Variants in PCLO observed in about 807,000 individuals in gnomAD.
PCLO encodes piccolo presynaptic cytomatrix protein.
Under a neutral mutation model 427.5 loss-of-function variants are expected in PCLO, and 82 were observed. The observed-to-expected ratio is 0.19, with a 90% CI of 0.16 to 0.23. The LOEUF is 0.23. Ranked by LOEUF, PCLO falls within the 10% of genes least tolerant of loss-of-function variation. PCLO has a pLI of 1.00. For synonymous variants in PCLO, 2,357 were observed against 2,155.4 expected, an observed-to-expected ratio of 1.09 and a Z score of -2.59; for missense variants, 6,239 against 6,115.9, an observed-to-expected ratio of 1.02 and a Z score of -0.67.
chr7:82,992,454 T>C (rs1225847203), intron 3 of PCLO, among the ~76,000 whole-genome samples: 1 of 152,096 alleles, frequency 6.6e-6, no homozygotes, highest in Non-Finnish European at 1.5e-5. Context: ...ATCCTATCTA[T>C]CCTGGATTTT....
intron 18 of PCLO, among the ~76,000 whole-genome samples, chr7:82,824,689 T>C (rs1446606429): frequency 6.6e-6 from 1 of 151,290 alleles, no homozygotes; most frequent in Non-Finnish European, 1.5e-5. Flanking sequence ...TGTTAAAAGA[T>C]AGGGTCACAA....
At chr7:82,811,264 G>C (rs1488621959) in intron 20 of PCLO, among the ~76,000 whole-genome samples, 1 of 151,440 alleles carries the variant, frequency 6.6e-6, no homozygotes, top group African/African-American at 2.4e-5. Flanking sequence ...AAGTATTTGG[G>C]AATTTTTACC....
chr7:82,765,922 G>C (rs1174057202), intron 22 of PCLO, among the ~76,000 whole-genome samples: 3 of 151,990 alleles, frequency 2.0e-5, no homozygotes, highest in Admixed American at 6.6e-5. Context: ...ATGTAGGAAA[G>C]TGGTAACCAG....
At chr7:82,945,129 T>C (rs115612842) in intron 6 of PCLO, among the ~76,000 whole-genome samples, 2,344 of 152,240 alleles carry the variant, frequency 0.015, 67 homozygotes, top group African/African-American at 0.053. Context: ...ATTTTTTTTT[T>C]CTGTGGAGTA....
chr7:83,103,398 A>G (rs1790781738), intron 3 of PCLO, among the ~76,000 whole-genome samples: 1 of 151,934 alleles, frequency 6.6e-6, no homozygotes, highest in Non-Finnish European at 1.5e-5. Flanking sequence ...AGCATGATAT[A>G]AAATTTTGAC....
Position 82,956,277 on chromosome 7 carries a change from T to C in PCLO, c.4676A>G (p.Gln1559Arg), listed in dbSNP as rs749509084. Residue 1559 changes from glutamine (Q) to arginine (R), a missense_variant, in exon 5 of 25, where the codon CAA becomes CGA. Gln to Arg is a conservative substitution (Grantham distance 43, BLOSUM62 1). Coordinates refer to ENST00000333891, the MANE Select transcript of PCLO (RefSeq NM_033026.6). Reference protein sequence around the residue: ...SGEEEDFIRKQIIEMSADEDA... With the variant: ...SGEEEDFIRKRIIEMSADEDA... ...TTCATCAGCACTCATTTCTATGATT[T>C]GTTTTCGAATGAAGTCCTCCTCTTC... 2 of 1,612,450 alleles carry C rather than the reference T, an allele frequency of 1.2e-6. No individual in the cohort carries two copies. Among genetic ancestry groups the C allele is most frequent in the South Asian group, 2.2e-5 (2 of 91,082 alleles).
At chr7:83,078,941 A>G (rs929997115) in intron 3 of PCLO, among the ~76,000 whole-genome samples, 11 of 152,178 alleles carry the variant, frequency 7.2e-5, no homozygotes, top group Non-Finnish European at 1.6e-4. Context: ...TATCTTAAAC[A>G]TTGTTAAAAC....
At chr7:82,970,484 T>G (rs2115695822) in intron 3 of PCLO, among the ~76,000 whole-genome samples, 1 of 152,056 alleles carries the variant, frequency 6.6e-6, no homozygotes, top group Non-Finnish European at 1.5e-5. Context: ...GAATTTAGTT[T>G]GAAACATAAG....
At chr7:82,871,202 C>A (rs1017278651) in intron 10 of PCLO, among the ~76,000 whole-genome samples, 2 of 151,892 alleles carry the variant, frequency 1.3e-5, no homozygotes, top group Admixed American at 1.3e-4. Flanking sequence ...GAGATGGAAT[C>A]AAACTGTGTT....
chr7:82,911,525 A>G (rs926136400), intron 7 of PCLO, among the ~76,000 whole-genome samples: 1 of 152,132 alleles, frequency 6.6e-6, no homozygotes, highest in East Asian at 1.9e-4. Flanking sequence ...TACTGTCCGC[A>G]GGCTACAGTT....
chr7:82,902,361 A>G (rs180919453), intron 9 of PCLO, among the ~76,000 whole-genome samples: 20 of 151,734 alleles, frequency 1.3e-4, no homozygotes, highest in African/African-American at 3.6e-4. Flanking sequence ...TCACTCACAG[A>G]TGGGAATTGA....
chr7:83,043,913 T>C (rs1789033807), intron 3 of PCLO, among the ~76,000 whole-genome samples: 1 of 22,770 alleles, frequency 4.4e-5, no homozygotes, highest in Non-Finnish European at 6.7e-5. Context: ...TATTATTTTC[T>C]TTTTTTTTTT....
At chr7:82,934,885 T>C (rs1488888406) in intron 6 of PCLO, among the ~76,000 whole-genome samples, 1 of 151,626 alleles carries the variant, frequency 6.6e-6, no homozygotes, top group African/African-American at 2.4e-5. Flanking sequence ...GATAAATGGC[T>C]AATTGTTATT....
chr7:82,985,035 T>C (rs1796228299), intron 3 of PCLO, among the ~76,000 whole-genome samples: 2 of 152,012 alleles, frequency 1.3e-5, no homozygotes, highest in Admixed American at 6.6e-5. Context: ...TAAACTGGAA[T>C]GTTTTCTTAT....
intron 3 of PCLO, among the ~76,000 whole-genome samples, chr7:83,122,347 G>A (rs904225935): frequency 6.9e-6 from 1 of 144,108 alleles, no homozygotes; most frequent in African/African-American, 2.6e-5. Flanking sequence ...GTGCAGTGGT[G>A]CAATCTCGGT....
intron 3 of PCLO, among the ~76,000 whole-genome samples, chr7:83,060,786 G>T (rs1452132418): frequency 6.6e-6 from 1 of 152,106 alleles, no homozygotes; most frequent in Non-Finnish European, 1.5e-5. Flanking sequence ...TTCCTTGTTA[G>T]CCACAGTTGC....
intron 3 of PCLO, among the ~76,000 whole-genome samples, chr7:82,980,783 T>G (rs1796129558): frequency 6.6e-6 from 1 of 152,084 alleles, no homozygotes. Context: ...AAAAAAAATG[T>G]CCTGATTTAT....
At chr7:82,940,214 A>G (rs1290753943) in intron 6 of PCLO, among the ~76,000 whole-genome samples, 1 of 152,182 alleles carries the variant, frequency 6.6e-6, no homozygotes, top group African/African-American at 2.4e-5. Context: ...CTCCTGCCAC[A>G]AGTGACCTAT....
chr7:83,012,854 T>G (rs1583906449), intron 3 of PCLO, among the ~76,000 whole-genome samples: 1 of 152,114 alleles, frequency 6.6e-6, no homozygotes, highest in East Asian at 1.9e-4. Flanking sequence ...ACCAGGTGTT[T>G]TAGTTTTAGA....
Sources: gnomAD v4.1 joint callset for allele counts (sites outside exome capture counted in the v4.1 genomes callset) on GRCh38, gnomAD v4.1.1 for gene constraint, MANE v1.5 for transcripts, NCBI Gene and HGNC (gene_info 2026-07-23, HGNC 2026-07-21) for gene names.